KYAT3: variants seen among roughly 807,000 people sequenced by gnomAD.
The protein encoded by KYAT3 is kynurenine aminotransferase 3.
A neutral mutation model predicts 59.0 loss-of-function variants in KYAT3; 50 were observed. The ratio of observed to expected loss-of-function variants is 0.85; its 90% CI spans 0.68 to 1.07. The LOEUF (loss-of-function observed/expected upper bound fraction) is 1.07. Among genes scored for constraint, KYAT3 ranks in the 50% least tolerant of loss-of-function variants. The pLI is 0.00. For missense variants in KYAT3, 497 were observed against 533.3 expected (o/e 0.93, Z 0.67); for synonymous variants, 148 against 177.0 (o/e 0.84, Z 1.30).
At chr1:88,926,313 A>G in the KYAT3 span, among the ~76,000 whole-genome samples, 1 of 152,190 alleles carries the variant, frequency 6.6e-6, no homozygotes, top group African/African-American at 2.4e-5. Context: ...ACCTAGGAGG[A>G]ACTCCCTTCA....
At chr1:88,980,950 T>C (rs1677057294) in intron 2 of KYAT3, 1 of 152,210 alleles carries the variant, frequency 6.6e-6, no homozygotes, top group South Asian at 2.1e-4. Flanking sequence ...TAGTTGCAAA[T>C]GTTAAAACAT....
At chr1:88,932,959 C>T (rs564579773), downstream of KYAT3, among the ~76,000 whole-genome samples, 1 of 152,278 alleles carries the variant, frequency 6.6e-6, no homozygotes, top group Non-Finnish European at 1.5e-5. Flanking sequence ...CTTTGAGTTA[C>T]TCATCAAAAA....
intron 11 of KYAT3, among the ~76,000 whole-genome samples, chr1:88,943,773 T>G (rs1012615455): frequency 1.3e-5 from 2 of 152,190 alleles, no homozygotes; most frequent in Non-Finnish European, 1.5e-5. Context: ...AGGAAATAAC[T>G]GCTAAATTTT....
intron 4 of KYAT3, among the ~76,000 whole-genome samples, chr1:88,965,435 A>G (rs1158933196): frequency 6.6e-6 from 1 of 152,202 alleles, no homozygotes; most frequent in Non-Finnish European, 1.5e-5. Context: ...GAACAAAAAC[A>G]AATTCACCAA....
chr1:88,924,360 T>A, the KYAT3 span, among the ~76,000 whole-genome samples: 42 of 152,366 alleles, frequency 2.8e-4, no homozygotes, highest in Admixed American at 2.2e-3. Flanking sequence ...GGGACTTACA[T>A]GAAATCACAC....
At chr1:88,930,581 G>A in the KYAT3 span, among the ~76,000 whole-genome samples, 5 of 152,160 alleles carry the variant, frequency 3.3e-5, no homozygotes, top group African/African-American at 1.2e-4. Flanking sequence ...TGGAATACTT[G>A]AAAGTAATTC....
At chr1:88,935,498 C>A (rs1299682225), downstream of KYAT3, among the ~76,000 whole-genome samples, 1 of 152,126 alleles carries the variant, frequency 6.6e-6, no homozygotes, top group Non-Finnish European at 1.5e-5. Flanking sequence ...TCATAAAAGC[C>A]TCAGGGAGCG....
chr1:88,936,112 G>T lies in KYAT3; in HGVS notation c.*71C>A. 1 of 943,216 alleles carries T rather than the reference G, an allele frequency of 1.1e-6. No individual in the cohort carries two copies. The highest frequency in any genetic ancestry group is 1.7e-6 in the Non-Finnish European group (1 of 601,412). The allele number at this position is 943,216 out of a possible 1,614,324, so 58.4% of individuals were successfully genotyped here. ...GTACTGAAATACCTTTTAACATCCA[G>T]CAGGTGGCAGCACTAAGTAACAATT... On this transcript the variant is annotated 3_prime_UTR_variant, in exon 14 of 14. Coordinates refer to ENST00000260508, the MANE Select transcript of KYAT3 (RefSeq NM_001008661.3).
the KYAT3 span, among the ~76,000 whole-genome samples, chr1:88,924,314 T>A: frequency 6.6e-6 from 1 of 152,218 alleles, no homozygotes; most frequent in African/African-American, 2.4e-5. Context: ...TAATTTATAC[T>A]CCATAGGTCC....
At chr1:88,977,665 A>G (rs1557701796) in intron 2 of KYAT3, among the ~76,000 whole-genome samples, 1 of 152,236 alleles carries the variant, frequency 6.6e-6, no homozygotes, top group Admixed American at 6.5e-5. Flanking sequence ...AATTTAGTAT[A>G]GCATAAGTAT....
Position 88,949,208 on chromosome 1 carries a change from A to G in KYAT3, c.1024T>C (p.Leu342=), listed in dbSNP as rs1398003234. ...CTTTTTACTTCTAACTCTTTTGGCAAAGAATTAAAGTAACATTCTGGGTCA... is the reference window on the plus strand; with the variant it reads ...CTTTTTACTTCTAACTCTTTTGGCAGAGAATTAAAGTAACATTCTGGGTCA... ...MDDPECYFNS[L]PKELEVKRDR... The change falls in exon 11 of 14, where the codon TTG becomes CTG. Residue 342 remains leucine, a synonymous_variant. Coordinates refer to ENST00000260508, the MANE Select transcript of KYAT3 (RefSeq NM_001008661.3). 1 of 1,610,218 alleles carries G rather than the reference A, an allele frequency of 6.2e-7. No individual in the cohort carries two copies. The highest frequency in any genetic ancestry group is 1.7e-5 in the Admixed American group (1 of 59,010).
the KYAT3 span, among the ~76,000 whole-genome samples, chr1:88,929,808 C>T: frequency 2.0e-5 from 3 of 152,330 alleles, no homozygotes; most frequent in African/African-American, 7.2e-5. Context: ...TATCCTCATC[C>T]CAAAACACTA....
In KYAT3 at chr1:88,956,423, T is replaced by C. The variant is rs182403409; in HGVS notation, c.788-1198A>G. Among the ~76,000 whole-genome samples, 1,062 of 152,332 alleles carry C rather than the reference T, an allele frequency of 7.0e-3. 5 individuals carry two copies. The highest frequency in any genetic ancestry group is 0.012 in the Non-Finnish European group (837 of 68,030). ...TTGTTTAACATCTTTAATAAAGACA[T>C]TGATTCATTCATACATCAAATATTC... On this transcript the variant is annotated intron_variant, in intron 8 of 13. Transcript: ENST00000260508.
At chr1:88,950,716 C>A (rs1179151813) in intron 10 of KYAT3, among the ~76,000 whole-genome samples, 2 of 152,158 alleles carry the variant, frequency 1.3e-5, no homozygotes, top group Non-Finnish European at 2.9e-5. Context: ...CTTCTACCAC[C>A]CCCATCTTTG....
Position 88,936,064 on chromosome 1 carries a change from A to G in KYAT3, c.*119T>C, listed in dbSNP as rs1420430677. 1.0e-5 allele frequency: 7 copies of G among 696,016 alleles called. No individual in the cohort carries two copies. The highest frequency in any genetic ancestry group is 5.1e-4 in the Middle Eastern group (2 of 3,906). 43.1% of individuals were successfully genotyped at this position (696,016 alleles called of 1,614,324 possible). ...TTGGGTTAACTGCTTTGGAAAAACA[A>G]TGGAAATATTTAAATTCCAGTTGTA... On this transcript the variant is annotated 3_prime_UTR_variant, in exon 14 of 14. Coordinates refer to ENST00000260508, the MANE Select transcript of KYAT3 (RefSeq NM_001008661.3).
chr1:88,922,562 G>A, the KYAT3 span, among the ~76,000 whole-genome samples: 1 of 152,160 alleles, frequency 6.6e-6, no homozygotes, highest in South Asian at 2.1e-4. Context: ...AACTGTGCAT[G>A]CGAAGGATCT....
chr1:88,976,417 G>A (rs943521932), intron 2 of KYAT3, among the ~76,000 whole-genome samples: 1 of 152,026 alleles, frequency 6.6e-6, no homozygotes, highest in African/African-American at 2.4e-5. Context: ...TAACATTGTG[G>A]CATGATGCAT....
chr1:88,966,394 T>C (rs1676353237), intron 4 of KYAT3, among the ~76,000 whole-genome samples: 3 of 152,188 alleles, frequency 2.0e-5, no homozygotes. Context: ...ATTGCTTAAT[T>C]TCTCTCAGTA....
At chr1:88,972,920 T>C (rs1258641152) in intron 2 of KYAT3, among the ~76,000 whole-genome samples, 1 of 152,242 alleles carries the variant, frequency 6.6e-6, no homozygotes, top group East Asian at 1.9e-4. Context: ...GGTTGGACCA[T>C]GCCCCCCTTA....
Sources: allele counts gnomAD v4.1 joint callset (sites outside exome capture counted in the v4.1 genomes callset), GRCh38; gene constraint gnomAD v4.1.1; transcripts MANE v1.5; gene names NCBI Gene and HGNC (gene_info 2026-07-23, HGNC 2026-07-21).